MAP2K4: variants seen among roughly 807,000 people sequenced by gnomAD.
MAP2K4 encodes dual specificity mitogen-activated protein kinase kinase 4.
Under a neutral mutation model 48.5 loss-of-function variants are expected in MAP2K4, and 4 were observed. That is an observed-to-expected ratio of 0.08 (90% CI 0.04 to 0.19). The LOEUF (loss-of-function observed/expected upper bound fraction) is 0.19, where lower values mean the gene tolerates loss of function less well. Among genes scored for constraint, MAP2K4 ranks in the 10% least tolerant of loss-of-function variants. The pLI, the probability that MAP2K4 is intolerant of heterozygous loss-of-function variation, is 1.00. For missense variants in MAP2K4, 258 were observed against 493.3 expected (o/e 0.52, Z 4.52); for synonymous variants, 166 against 173.1 (o/e 0.96, Z 0.32).
intron 4 of MAP2K4, among the ~76,000 whole-genome samples, chr17:12,102,106 G>A (rs1971956373): frequency 1.3e-5 from 2 of 151,876 alleles, no homozygotes; most frequent in Admixed American, 6.6e-5. Context: ...AAGCATTCAT[G>A]TTTCCTTCAT....
chr17:12,097,165 T>G (rs1373111886), intron 4 of MAP2K4, among the ~76,000 whole-genome samples: 1 of 152,218 alleles, frequency 6.6e-6, no homozygotes, highest in Non-Finnish European at 1.5e-5. Context: ...CTATGAACTT[T>G]TCTTCACGAT....
At chr17:12,059,479 A>G (rs936280576) in intron 2 of MAP2K4, among the ~76,000 whole-genome samples, 3 of 152,356 alleles carry the variant, frequency 2.0e-5, no homozygotes, top group African/African-American at 7.2e-5. Context: ...TACAATTGTT[A>G]TTCTGAAAGA....
At chr17:12,094,262 T>A (rs1334458268) in intron 3 of MAP2K4, among the ~76,000 whole-genome samples, 1 of 152,246 alleles carries the variant, frequency 6.6e-6, no homozygotes, top group African/African-American at 2.4e-5. Flanking sequence ...AAATTTTAAG[T>A]AGCAAAATTA....
chr17:12,078,422 T>C (rs539439094), intron 2 of MAP2K4, among the ~76,000 whole-genome samples: 61 of 152,310 alleles, frequency 4.0e-4, no homozygotes, highest in African/African-American at 1.4e-3. Context: ...TTATGGAGTA[T>C]GTGAGATGTT....
At chr17:12,091,662 C>G (rs1344848163) in intron 3 of MAP2K4, among the ~76,000 whole-genome samples, 3 of 152,034 alleles carry the variant, frequency 2.0e-5, no homozygotes, top group South Asian at 2.1e-4. Context: ...AAGTGACTCT[C>G]AATTGGAGTG....
At chr17:12,054,009 G>C (rs990984402) in intron 1 of MAP2K4, among the ~76,000 whole-genome samples, 1 of 152,082 alleles carries the variant, frequency 6.6e-6, no homozygotes, top group Non-Finnish European at 1.5e-5. Context: ...ATTCAGTTCT[G>C]TTACAAGGTA....
In MAP2K4 at chr17:12,129,158, G is replaced by T. The variant is rs1194360851; in HGVS notation, c.911G>T (p.Arg304Leu). The change falls in exon 9 of 11, where the codon CGA (arginine) becomes CTA (leucine). Residue 304 changes from arginine (R) to leucine (L), a missense_variant. By Grantham distance (102) the Arg-to-Leu change is moderately radical. This residue lies in a region of MAP2K4 where 132 missense variants were observed against 352.8 expected (regional missense o/e 0.37). Transcript: ENST00000353533. ...GITLYELATG[R>L]FPYPKWNSVF... ...CTTTAGTATGAGTTGGCCACAGGCC[G>T]ATTTCCTTATCCAAAGTGGAATAGT... The T allele has an allele frequency of 6.2e-7, 1 of 1,613,904 alleles. No homozygotes were observed. The highest frequency in any genetic ancestry group is 1.7e-5 in the Admixed American group (1 of 60,018).
At chr17:12,079,197 T>C (rs1971110337) in intron 2 of MAP2K4, among the ~76,000 whole-genome samples, 1 of 152,218 alleles carries the variant, frequency 6.6e-6, no homozygotes, top group Admixed American at 6.5e-5. Context: ...TTTTGGATAT[T>C]AGCCCAAGTA....
intron 7 of MAP2K4, among the ~76,000 whole-genome samples, chr17:12,114,113 C>G (rs1485911534): frequency 6.6e-6 from 1 of 152,150 alleles, no homozygotes; most frequent in East Asian, 1.9e-4. Flanking sequence ...GCATTTCTTT[C>G]CATCTTTGTA....
chr17:12,069,557 T>C (rs982051214), intron 2 of MAP2K4: 6 of 196,598 alleles, frequency 3.1e-5, no homozygotes, highest in African/African-American at 1.4e-4. Context: ...ATACATTCTG[T>C]TCACTAAATA....
intron 1 of MAP2K4, among the ~76,000 whole-genome samples, chr17:12,049,540 A>G (rs1448307337): frequency 5.3e-5 from 8 of 152,146 alleles, no homozygotes. Flanking sequence ...GCTTATATGT[A>G]TTTAGTAGGT....
chr17:12,095,509 A>G, intron 3 of MAP2K4, 66 bp from the exon 4 acceptor site: 1 of 1,593,068 alleles, frequency 6.3e-7, no homozygotes, highest in Non-Finnish European at 8.6e-7. Context: ...CCATGAGACT[A>G]AAAATTATTG....
intron 1 of MAP2K4, among the ~76,000 whole-genome samples, chr17:12,033,635 T>C (rs185651962): frequency 7.2e-5 from 11 of 152,328 alleles, no homozygotes; most frequent in Admixed American, 2.6e-4. Flanking sequence ...ATATATGATA[T>C]ATATCTATAT....
chr17:12,021,043 G>C (rs771996965), intron 1 of MAP2K4, 42 bp downstream of exon 1: 6 of 1,147,122 alleles, frequency 5.2e-6, no homozygotes, highest in East Asian at 3.5e-5. Flanking sequence ...CCCCTAGCGC[G>C]GCAACCCGCG....
chr17:12,059,617 G>A (rs1385731961), intron 2 of MAP2K4, among the ~76,000 whole-genome samples: 3 of 152,272 alleles, frequency 2.0e-5, no homozygotes, highest in South Asian at 2.1e-4. Flanking sequence ...GGAACCACAC[G>A]TTTTAAGTTT....
chr17:12,116,019 A>G (rs1356278173), intron 7 of MAP2K4: 1 of 368,462 alleles, frequency 2.7e-6, no homozygotes, highest in Non-Finnish European at 5.2e-6. Context: ...AAAAAAACCA[A>G]ATGACCGCAC....
chr17:12,136,659 G>A (rs1445240687), intron 9 of MAP2K4, among the ~76,000 whole-genome samples: 1 of 132,056 alleles, frequency 7.6e-6, no homozygotes, highest in Non-Finnish European at 1.7e-5. Context: ...AGTGTCAGCT[G>A]TAATTCAGAA....
intron 7 of MAP2K4, among the ~76,000 whole-genome samples, chr17:12,114,387 G>GGTGT (rs61666948): frequency 0.019 from 2,871 of 149,218 alleles, 87 homozygotes; most frequent in African/African-American, 0.054. Flanking sequence ...ATGTAAAAGC[G>GGTGT]GTGTGTGTGT....
chr17:12,121,030 C>G (rs2108496), intron 7 of MAP2K4, among the ~76,000 whole-genome samples: 35,664 of 152,072 alleles, frequency 0.23, 4,636 homozygotes, highest in Non-Finnish European at 0.28. Context: ...CAATGATTGC[C>G]TATTAATAGC....
Sources: allele counts gnomAD v4.1 joint callset (sites outside exome capture counted in the v4.1 genomes callset), GRCh38; gene constraint gnomAD v4.1.1; regional missense constraint gnomAD v4.1.1; transcripts MANE v1.5; gene names NCBI Gene and HGNC (gene_info 2026-07-23, HGNC 2026-07-21).